CCDC68: variants seen among roughly 807,000 people sequenced by gnomAD.
CCDC68 encodes coiled-coil domain containing 68.
In CCDC68, 45 loss-of-function variants were observed where a neutral mutation model predicts 47.1. The observed-to-expected ratio is 0.96, with a 90% CI of 0.75 to 1.23. The LOEUF is 1.23. Ranked by LOEUF, CCDC68 falls within the 50% of genes most tolerant of loss-of-function variation. The pLI, the probability that CCDC68 is intolerant of heterozygous loss-of-function variation, is 0.00. For missense variants in CCDC68, 353 were observed against 373.6 expected (o/e 0.94, Z 0.45); for synonymous variants, 131 against 129.5 (o/e 1.01, Z -0.08).
At chr18:54,932,987 A>G (rs932689841) in intron 7 of CCDC68, among the ~76,000 whole-genome samples, 151 of 152,262 alleles carry the variant, frequency 9.9e-4, no homozygotes, top group African/African-American at 3.6e-3. Context: ...ATATTTGTTT[A>G]GTAAACAGTC....
intron 1 of CCDC68, among the ~76,000 whole-genome samples, chr18:54,953,210 A>G (rs1175057017): frequency 6.6e-6 from 1 of 152,200 alleles, no homozygotes; most frequent in Non-Finnish European, 1.5e-5. Context: ...GGTTAACTAC[A>G]AAAGGAACAC....
chr18:54,913,251 C>T (rs1370131619), intron 10 of CCDC68, among the ~76,000 whole-genome samples: 3 of 152,196 alleles, frequency 2.0e-5, no homozygotes, highest in Non-Finnish European at 4.4e-5. Context: ...CGTAGCATGA[C>T]TAAACAGAGA....
chr18:54,955,680 A>G (rs2044700455), intron 1 of CCDC68, among the ~76,000 whole-genome samples: 1 of 152,092 alleles, frequency 6.6e-6, no homozygotes, highest in Non-Finnish European at 1.5e-5. Context: ...ACCAAAAGTC[A>G]ATGTTCTTGC....
At chr18:54,946,530 C>G (rs941622540) in intron 1 of CCDC68, among the ~76,000 whole-genome samples, 152 of 152,210 alleles carry the variant, frequency 1.0e-3, no homozygotes, top group African/African-American at 3.6e-3. Context: ...ATTAACAAAT[C>G]ATAAGAGGCA....
Position 54,903,216 on chromosome 18 carries a change from TAA to T in CCDC68, c.*1140_*1141del, listed in dbSNP as rs1248723663. 6.6e-6 allele frequency: 1 copy of T among 152,188 alleles called. No homozygotes were observed. Among genetic ancestry groups the T allele is most frequent in the Non-Finnish European group, 1.5e-5 (1 of 68,028 alleles). The allele number at this position is 152,188 out of a possible 1,614,324, so 9.4% of individuals were successfully genotyped here. The stretch of plus-strand genomic sequence containing the variant: ...TCAGCATCTTTTCTGAGCAAATATT[TAA>T]AGTTATACACTAGAGAGGAAGATCA... On this transcript the variant is annotated 3_prime_UTR_variant, in exon 12 of 12. Transcript: ENST00000591504.
chr18:54,955,145 GC>G (rs2044690292), intron 1 of CCDC68, among the ~76,000 whole-genome samples: 1 of 152,060 alleles, frequency 6.6e-6, no homozygotes, highest in Admixed American at 6.6e-5. Flanking sequence ...ACACAGTGAT[GC>G]CCCATCTATG....
intron 1 of CCDC68, among the ~76,000 whole-genome samples, chr18:54,947,918 A>G (rs1326673217): frequency 6.6e-6 from 1 of 152,240 alleles, no homozygotes; most frequent in Non-Finnish European, 1.5e-5. Context: ...GCTAACATCT[A>G]TTGAAGAGTT....
Position 54,902,158 on chromosome 18 carries a change from C to CA in CCDC68, c.*2199dup, listed in dbSNP as rs1913723878. The CA allele has an allele frequency of 1.3e-5, 2 of 152,208 alleles. No homozygotes were observed. Among genetic ancestry groups the CA allele is most frequent in the Non-Finnish European group, 2.9e-5 (2 of 68,022 alleles). The allele number at this position is 152,208 out of a possible 1,614,324, so 9.4% of individuals were successfully genotyped here. Reference sequence around the variant, plus strand: ...ATAGATAGTTAGGTCAGATCTCTTTCACTGTCATAATTTCCTCACTGTTAT... The same window carrying CA: ...ATAGATAGTTAGGTCAGATCTCTTTCAACTGTCATAATTTCCTCACTGTTAT... On this transcript the variant is annotated 3_prime_UTR_variant, in exon 12 of 12. Transcript: ENST00000591504.
intron 1 of CCDC68, among the ~76,000 whole-genome samples, chr18:54,948,290 A>T (rs763792314): frequency 9.9e-5 from 15 of 152,158 alleles, no homozygotes; most frequent in Non-Finnish European, 1.5e-4. Context: ...AGATGAGAAC[A>T]CCGAATGCCC....
At chr18:54,954,972 C>A (rs1181931472) in intron 1 of CCDC68, among the ~76,000 whole-genome samples, 3 of 146,576 alleles carry the variant, frequency 2.0e-5, no homozygotes, top group Admixed American at 7.1e-5. Flanking sequence ...ACATTATCTT[C>A]TTTTCAAATT....
Position 54,901,942 on chromosome 18 carries a change from T to C in CCDC68, c.*2416A>G, listed in dbSNP as rs1488601866. 4 of 152,082 alleles carry C rather than the reference T, an allele frequency of 2.6e-5. No individual in the cohort carries two copies. Among genetic ancestry groups the C allele is most frequent in the Non-Finnish European group, 5.9e-5 (4 of 68,016 alleles). 9.4% of individuals were successfully genotyped at this position (152,082 alleles called of 1,614,324 possible). On this transcript the variant is annotated 3_prime_UTR_variant, in exon 12 of 12. Transcript: ENST00000591504. Reference sequence around the variant, plus strand: ...AATGATAATTTTATGATAGTGGATATAGGAAACAATCCATACATGACGAAT... The same window carrying C: ...AATGATAATTTTATGATAGTGGATACAGGAAACAATCCATACATGACGAAT...
At chr18:54,917,305 C>T (rs1405356956) in intron 10 of CCDC68, among the ~76,000 whole-genome samples, 1 of 152,114 alleles carries the variant, frequency 6.6e-6, no homozygotes, top group East Asian at 1.9e-4. Flanking sequence ...GGAAAGAGGA[C>T]ATCCCAAGCC....
In CCDC68 at chr18:54,907,813, G is replaced by T; in HGVS notation, c.923C>A (p.Thr308Lys). The T allele has an allele frequency of 6.2e-7, 1 of 1,607,412 alleles. No homozygotes were observed. The highest frequency in any genetic ancestry group is 1.1e-5 in the South Asian group (1 of 90,922). ...TGTAGAGACAGCCTTAGATACCTTT[G>T]TCCTAGGAGTTTCAGATGAAAGTGC... is the stretch of plus-strand genomic sequence containing the variant. The part of the protein sequence containing the change: ...QVALSSETPR[T>K]KVSKAVSTSE... The change falls in exon 11 of 12, where the codon ACA (threonine) becomes AAA (lysine). Residue 308 changes from threonine to lysine, a missense_variant. Transcript: ENST00000591504.
intron 4 of CCDC68, among the ~76,000 whole-genome samples, chr18:54,939,103 A>G (rs1278148562): frequency 6.6e-6 from 1 of 152,222 alleles, no homozygotes; most frequent in Admixed American, 6.5e-5. Flanking sequence ...TCACTACAAT[A>G]TAATAACTAT....
At chr18:54,921,877 A>G (rs1054681111) in intron 8 of CCDC68, among the ~76,000 whole-genome samples, 1 of 152,178 alleles carries the variant, frequency 6.6e-6, no homozygotes, top group South Asian at 2.1e-4. Context: ...TAACATGATC[A>G]TTTAAAGGAC....
intron 10 of CCDC68, among the ~76,000 whole-genome samples, chr18:54,912,153 G>A (rs567899634): frequency 1.8e-4 from 27 of 152,238 alleles, no homozygotes; most frequent in African/African-American, 6.0e-4. Flanking sequence ...ATATAAAGTA[G>A]GATAATCTTC....
intron 1 of CCDC68, among the ~76,000 whole-genome samples, chr18:54,955,280 C>T (rs2145670930): frequency 6.6e-6 from 1 of 152,274 alleles, no homozygotes; most frequent in East Asian, 1.9e-4. Flanking sequence ...AGCTAGGATC[C>T]TGACACTGCA....
chr18:54,925,202 G>A (rs1048027193), intron 8 of CCDC68, among the ~76,000 whole-genome samples: 7 of 152,160 alleles, frequency 4.6e-5, no homozygotes, highest in Admixed American at 4.6e-4. Flanking sequence ...GAGCAAGTCT[G>A]TAGCATCCAT....
At position 54,942,075 on chromosome 18, in the gene CCDC68, G is replaced by A. The variant is rs562412290; in HGVS notation, c.117+600C>T. Among the ~76,000 whole-genome samples the A allele has an allele frequency of 2.0e-3, 304 of 152,306 alleles. 1 individual carries two copies. Among genetic ancestry groups the A allele is most frequent in the African/African-American group, 7.1e-3 (295 of 41,570 alleles). ...GGCCTCCCAAAGTGCTGGGATTACA[G>A]GCATGAGCCACTGCACCTGGCCTAC... On this transcript the variant is annotated intron_variant, in intron 3 of 11. Coordinates refer to ENST00000591504, the MANE Select transcript of CCDC68 (RefSeq NM_025214.3).
Sources: gnomAD v4.1 joint callset for allele counts (sites outside exome capture counted in the v4.1 genomes callset) on GRCh38, gnomAD v4.1.1 for gene constraint, MANE v1.5 for transcripts, NCBI Gene and HGNC (gene_info 2026-07-23, HGNC 2026-07-21) for gene names.